Variants in CARD6 observed in about 807,000 individuals in gnomAD.
The protein encoded by CARD6 is caspase recruitment domain-containing protein 6.
In CARD6, 27 loss-of-function variants were observed where a neutral mutation model predicts 23.6. That is an observed-to-expected ratio of 1.14 (90% confidence interval 0.84 to 1.58). The LOEUF (loss-of-function observed/expected upper bound fraction) is 1.58. CARD6 is among the 40% of genes most tolerant of loss of function. The pLI, the probability that CARD6 is intolerant of heterozygous loss-of-function variation, is 0.00. For synonymous variants in CARD6, 397 were observed against 431.8 expected (o/e 0.92, Z 1.00); for missense variants, 1,214 against 1,209.9 (o/e 1.00, Z -0.05).
At chr5:40,852,045 A>G in intron 2 of CARD6, 129 bp from the exon 3 acceptor site, 1 of 625,790 alleles carries the variant, frequency 1.6e-6, no homozygotes. Flanking sequence ...GGATTGCTTG[A>G]GCCCAGGGTG....
Position 40,841,749 on chromosome 5 carries a change from G to A in CARD6, c.283+84G>A. ...GAAAACAAAATGAAAGAAAATTGTT[G>A]CCTTTTATTTTTGTTAGTCTTTTTC... On this transcript the variant is annotated intron_variant, in intron 1 of 2. Coordinates refer to ENST00000254691, the MANE Select transcript of CARD6 (RefSeq NM_032587.4). The A allele has an allele frequency of 5.9e-6, 7 of 1,183,348 alleles. No homozygotes were observed. In the East Asian group the frequency reaches 1.5e-4, roughly 26 times the overall value. The allele number at this position is 1,183,348 out of a possible 1,614,324, so 73.3% of individuals were successfully genotyped here. A position where few individuals can be genotyped will look rare whatever the true frequency, so the allele number is the denominator to read the frequency against.
rs375916259 is a variant in CARD6, at chr5:40,854,832, C to T, written c.*386C>T. ...CTTGAACTCCCGACCTCAGGTGATC[C>T]GCCCACCTAGGCCTCTCAAAGTGTT... On this transcript the variant is annotated 3_prime_UTR_variant, in exon 3 of 3. Coordinates refer to ENST00000254691, the MANE Select transcript of CARD6 (RefSeq NM_032587.4). The T allele has an allele frequency of 4.1e-5, 8 of 197,244 alleles. No homozygotes were observed. Among genetic ancestry groups the T allele is most frequent in the East Asian group, 1.2e-4 (1 of 8,164 alleles). The allele number at this position is 197,244 out of a possible 1,614,324, so 12.2% of individuals were successfully genotyped here.
chr5:40,843,489 A>T lies in CARD6; in HGVS notation c.621A>T (p.Leu207Phe). The change falls in exon 2 of 3, where the codon TTA (leucine) becomes TTT (phenylalanine). Residue 207 changes from leucine (L) to phenylalanine (F), a missense_variant. Transcript: ENST00000254691. ...GATATGAGGAGCTAGATGATTCTTT[A>T]TACTTAGGAAAAGAGGAATATCTAG... is the stretch of plus-strand genomic sequence containing the variant. ...GQRYEELDDSLYLGKEEYLGS... is the reference protein window; with the variant it reads ...GQRYEELDDSFYLGKEEYLGS... 6.2e-7 allele frequency: 1 copy of T among 1,609,324 alleles called. No individual in the cohort carries two copies. The highest frequency in any genetic ancestry group is 8.5e-7 in the Non-Finnish European group (1 of 1,178,678).
intron 1 of CARD6, among the ~76,000 whole-genome samples, chr5:40,842,607 G>A (rs1158861307): frequency 1.3e-5 from 2 of 151,796 alleles, no homozygotes. Flanking sequence ...CTGTAAGGTT[G>A]CTAGGAAGGA....
chr5:40,849,111 C>T (rs1746014610), intron 2 of CARD6, among the ~76,000 whole-genome samples: 1 of 152,104 alleles, frequency 6.6e-6, no homozygotes, highest in Admixed American at 6.5e-5. Flanking sequence ...ATTCTCCTGC[C>T]TCAGCCTCCT....
At chr5:40,850,868 A>G (rs1019397242) in intron 2 of CARD6, among the ~76,000 whole-genome samples, 5 of 152,036 alleles carry the variant, frequency 3.3e-5, no homozygotes, top group African/African-American at 1.2e-4. Flanking sequence ...ATGATCATCC[A>G]TAGGCAATTG....
intron 2 of CARD6, among the ~76,000 whole-genome samples, chr5:40,845,523 A>G (rs968174296): frequency 4.6e-5 from 7 of 152,036 alleles, no homozygotes; most frequent in African/African-American, 1.7e-4. Flanking sequence ...TTCTTAATAC[A>G]TGATTATTTT....
intron 2 of CARD6, among the ~76,000 whole-genome samples, chr5:40,851,962 A>G (rs1746073071): frequency 6.6e-6 from 1 of 150,682 alleles, no homozygotes; most frequent in South Asian, 2.1e-4. Context: ...CCCCATCTCT[A>G]TTAAAAAAAA....
chr5:40,843,621 A>G lies in CARD6; in HGVS notation c.753A>G (p.Glu251=), dbSNP rs759931765. 1 of 1,602,680 alleles carries G rather than the reference A, an allele frequency of 6.2e-7. No homozygotes were observed. The highest frequency in any genetic ancestry group is 1.1e-5 in the South Asian group (1 of 88,412). ...YDGEEDFENS[E]TTEFSGEEPS... Reference sequence around the variant, plus strand: ...GTGAAGAGGACTTCGAGAATTCAGAAACCACAGAGTTCTCTGGTGAAGAAC... The same window carrying G: ...GTGAAGAGGACTTCGAGAATTCAGAGACCACAGAGTTCTCTGGTGAAGAAC... Residue 251 remains glutamate (E), a synonymous_variant, in exon 2 of 3, where the codon GAA becomes GAG. Transcript: ENST00000254691.
At chr5:40,842,866 T>C (rs1745886312) in intron 1 of CARD6, among the ~76,000 whole-genome samples, 1 of 152,092 alleles carries the variant, frequency 6.6e-6, no homozygotes. Flanking sequence ...AGTGAAACAC[T>C]GTCTCTACTA....
Position 40,853,205 on chromosome 5 carries a change from C to A in CARD6, c.1873C>A (p.Leu625Ile), listed in dbSNP as rs1746108976. 1.2e-6 allele frequency: 2 copies of A among 1,614,002 alleles called. No homozygotes were observed. The highest frequency in any genetic ancestry group is 1.1e-5 in the South Asian group (1 of 91,082). ...GGATAGAAGGAAGAACATGGAGGGC[C>A]TTCAAGCTGCCCTCCAGGAAGTGAT... ...AGDRRKNMEGLQAALQEVMFS... is the reference protein window; with the variant it reads ...AGDRRKNMEGIQAALQEVMFS... The change falls in exon 3 of 3, where the codon CTT becomes ATT. Residue 625 changes from leucine to isoleucine, a missense_variant. Leu to Ile is a conservative substitution (Grantham distance 5). Transcript: ENST00000254691.
chr5:40,849,683 A>AGAT (rs1445790947), intron 2 of CARD6, among the ~76,000 whole-genome samples: 1 of 152,182 alleles, frequency 6.6e-6, no homozygotes, highest in Non-Finnish European at 1.5e-5. Context: ...TGTATTTATA[A>AGAT]GATGTAGGTA....
In CARD6 at chr5:40,853,517, G is replaced by A; in HGVS notation, c.2185G>A (p.Glu729Lys). 6.2e-7 allele frequency: 1 copy of A among 1,614,166 alleles called. No homozygotes were observed. Among genetic ancestry groups the A allele is most frequent in the Non-Finnish European group, 8.5e-7 (1 of 1,180,022 alleles). The change falls in exon 3 of 3, where the codon GAG becomes AAG. Residue 729 changes from glutamate to lysine, a missense_variant. Glu to Lys is a moderately conservative substitution (Grantham distance 56). Coordinates refer to ENST00000254691, the MANE Select transcript of CARD6 (RefSeq NM_032587.4). ...TACCCCAGTATTCAGGCCTGTTCTA[G>A]AGAACTCCTGGCTCTTTCCAACCAG... ...YGTPVFRPVL[E>K]NSWLFPTRIG...
chr5:40,849,477 A>G (rs964532739), intron 2 of CARD6, among the ~76,000 whole-genome samples: 2 of 152,160 alleles, frequency 1.3e-5, no homozygotes, highest in African/African-American at 4.8e-5. Context: ...CACATATATC[A>G]GTTCAAGCAA....
At chr5:40,843,126 G>C in intron 1 of CARD6, 26 bp from the exon 2 acceptor site, 1 of 1,500,428 alleles carries the variant, frequency 6.7e-7, no homozygotes, top group South Asian at 1.3e-5. Flanking sequence ...TTTCTTAATT[G>C]GGAAAAACAA....
chr5:40,853,992 G>A lies in CARD6; in HGVS notation c.2660G>A (p.Arg887Lys). ...ACTGAAGCAACTGGAAAACTGATAA[G>A]AACATCCCATATTGGAAAGCCTCAC... ...ELTEATGKLI[R>K]TSHIGKPHPQ... Residue 887 changes from arginine (R) to lysine (K), a missense_variant, in exon 3 of 3, where the codon AGA becomes AAA. Coordinates refer to ENST00000254691, the MANE Select transcript of CARD6 (RefSeq NM_032587.4). 1 of 1,614,102 alleles carries A rather than the reference G, an allele frequency of 6.2e-7. No homozygotes were observed. The highest frequency in any genetic ancestry group is 8.5e-7 in the Non-Finnish European group (1 of 1,180,022).
At chr5:40,843,799 G>A (rs1426104357) in intron 2 of CARD6, 90 bp downstream of exon 2, 1 of 831,432 alleles carries the variant, frequency 1.2e-6, no homozygotes, top group Non-Finnish European at 1.8e-6. Flanking sequence ...GATGAAAAAG[G>A]GACAGATGTC....
chr5:40,844,500 G>C (rs1248618586), intron 2 of CARD6, among the ~76,000 whole-genome samples: 2 of 152,200 alleles, frequency 1.3e-5, no homozygotes, highest in Non-Finnish European at 1.5e-5. Flanking sequence ...CAAAATCCTG[G>C]GATTACAGGT....
rs757505639 is a variant in CARD6 at position 40,852,296 on chromosome 5, C to A, written c.964C>A (p.Pro322Thr). ...AGGATGTAAGTGGACCCCTGAGAGT[C>A]CAGGAGACTTAGCCTGGAATTTCCT... ...DRGCKWTPES[P>T]GDLAWNFLMK... Residue 322 changes from proline to threonine, a missense_variant, in exon 3 of 3, where the codon CCA becomes ACA. Coordinates refer to ENST00000254691, the MANE Select transcript of CARD6 (RefSeq NM_032587.4). 5.6e-6 allele frequency: 9 copies of A among 1,613,944 alleles called. No homozygotes were observed. In the African/African-American group the frequency reaches 1.2e-4, roughly 22 times the overall value.
Sources: gnomAD v4.1 joint callset for allele counts (sites outside exome capture counted in the v4.1 genomes callset) on GRCh38, gnomAD v4.1.1 for gene constraint, MANE v1.5 for transcripts, NCBI Gene and HGNC (gene_info 2026-07-23, HGNC 2026-07-21) for gene names.